MCPH1: variants seen among roughly 807,000 people sequenced by gnomAD.
MCPH1 encodes microcephalin 1.
Under a neutral mutation model 84.5 loss-of-function variants are expected in MCPH1, and 104 were observed. That is an observed-to-expected ratio of 1.23 (90% CI 1.05 to 1.45). The LOEUF (loss-of-function observed/expected upper bound fraction) is 1.45. Ranked by LOEUF, MCPH1 falls within the 40% of genes most tolerant of loss-of-function variation. The pLI is 0.00. For missense variants in MCPH1, 1,498 were observed against 1,005.7 expected, an observed-to-expected ratio of 1.49 and a Z score of -6.62; for synonymous variants, 514 against 366.8, an observed-to-expected ratio of 1.40 and a Z score of -4.58.
At position 6,558,703 on chromosome 8, in the gene MCPH1, C is replaced by T. The variant is rs190192598; in HGVS notation, c.2214+58774C>T. 1.7e-3 allele frequency among the ~76,000 whole-genome samples: 260 copies of T among 152,216 alleles called. 1 individual carries two copies. Among genetic ancestry groups the T allele is most frequent in the African/African-American group, 5.5e-3 (228 of 41,528 alleles). ...TGGAAATCCATTTCCTAGTTCTAAA[C>T]TCTGCAAGCAAACAATCATCTCCCC... On this transcript the variant is annotated intron_variant, in intron 12 of 13. Transcript: ENST00000344683.
At chr8:6,553,735 A>G (rs901403834) in intron 12 of MCPH1, among the ~76,000 whole-genome samples, 7 of 150,980 alleles carry the variant, frequency 4.6e-5, no homozygotes, top group Non-Finnish European at 1.0e-4. Flanking sequence ...GAGGCCCCTC[A>G]GGCAGAGGGG....
intron 9 of MCPH1, among the ~76,000 whole-genome samples, chr8:6,468,644 T>TG (rs1192430280): frequency 7.3e-6 from 1 of 137,532 alleles, no homozygotes; most frequent in East Asian, 2.3e-4. Context: ...TACATTTTTT[T>TG]GGTTTTTTTT....
rs577300488 is a variant in MCPH1, at chr8:6,492,728, C to A, written c.2137-7124C>A. 2.4e-4 allele frequency among the ~76,000 whole-genome samples: 22 copies of A among 91,280 alleles called. No homozygotes were observed. The South Asian group carries it at 8.3e-3, about 34-fold the overall frequency. 59.9% of individuals were successfully genotyped at this position (91,280 alleles called of 152,430 possible). A position where few individuals can be genotyped will look rare whatever the true frequency, so the allele number is the denominator to read the frequency against. ...AAATAAATATTTTATATTAAATTATCAAATAAATATTAATAATAATTATTT... is the reference window on the plus strand; with the variant it reads ...AAATAAATATTTTATATTAAATTATAAAATAAATATTAATAATAATTATTT... On this transcript the variant is annotated intron_variant, in intron 11 of 13. Coordinates refer to ENST00000344683, the MANE Select transcript of MCPH1 (RefSeq NM_024596.5).
chr8:6,543,833 C>T (rs1167317160), intron 12 of MCPH1, among the ~76,000 whole-genome samples: 1 of 152,162 alleles, frequency 6.6e-6, no homozygotes, highest in Non-Finnish European at 1.5e-5. Context: ...TTTAAACCCC[C>T]TGTGTGCATG....
chr8:6,543,977 A>G (rs1192160692), intron 12 of MCPH1, among the ~76,000 whole-genome samples: 3 of 152,214 alleles, frequency 2.0e-5, no homozygotes, highest in Non-Finnish European at 2.9e-5. Context: ...GTTGCAATAT[A>G]TTTTAAGCAT....
At chr8:6,532,521 G>C in intron 12 of MCPH1, 1 of 1,516,394 alleles carries the variant, frequency 6.6e-7, no homozygotes. Flanking sequence ...GCAGTCATTA[G>C]TCAAATGACC....
intron 12 of MCPH1, among the ~76,000 whole-genome samples, chr8:6,571,259 A>G (rs887952922): frequency 6.7e-6 from 1 of 149,548 alleles, no homozygotes; most frequent in African/African-American, 2.5e-5. Flanking sequence ...GTAGAATGAA[A>G]TGCTAAACAT....
At chr8:6,425,042 G>T (rs554388042) in intron 3 of MCPH1, among the ~76,000 whole-genome samples, 1 of 152,222 alleles carries the variant, frequency 6.6e-6, no homozygotes, top group Non-Finnish European at 1.5e-5. Context: ...CATAAAGAAT[G>T]CAGGATTGGC....
chr8:6,527,955 G>T (rs1818684292), intron 12 of MCPH1, among the ~76,000 whole-genome samples: 1 of 151,004 alleles, frequency 6.6e-6, no homozygotes, highest in Non-Finnish European at 1.5e-5. Context: ...GAGTGCAGTG[G>T]CATGATCTCG....
rs758147388 is a variant in MCPH1, at chr8:6,514,731, C to T, written c.2214+14802C>T. 7.4e-6 allele frequency: 12 copies of T among 1,614,078 alleles called. No homozygotes were observed. In the South Asian group the frequency reaches 1.1e-4, roughly 15 times the overall value. On this transcript the variant is annotated intron_variant, in intron 12 of 13. Coordinates refer to ENST00000344683, the MANE Select transcript of MCPH1 (RefSeq NM_024596.5). Reference sequence around the variant, plus strand: ...AATCAACGCTGCCATCCTCACGTCGCTGAATAATTGTCCACCCGCCTCCTC... The same window carrying T: ...AATCAACGCTGCCATCCTCACGTCGTTGAATAATTGTCCACCCGCCTCCTC...
intron 12 of MCPH1, among the ~76,000 whole-genome samples, chr8:6,614,471 C>A (rs749322235): frequency 6.6e-6 from 1 of 152,230 alleles, no homozygotes; most frequent in Non-Finnish European, 1.5e-5. Flanking sequence ...AGCCTGATTT[C>A]TCGCCCCCTC....
chr8:6,433,610 G>A lies in MCPH1; in HGVS notation c.321+2024G>A, dbSNP rs531363498. On this transcript the variant is annotated intron_variant, in intron 4 of 13. Coordinates refer to ENST00000344683, the MANE Select transcript of MCPH1 (RefSeq NM_024596.5). ...ATCATGCCACTGCACTCCAGCCTGG[G>A]CGACAGCAAGGCTCTGTCTCAAAAA... is the stretch of plus-strand genomic sequence containing the variant. Among the ~76,000 whole-genome samples the A allele has an allele frequency of 4.5e-5, 6 of 134,820 alleles. No homozygotes were observed. The East Asian group carries it at 1.3e-3, about 30-fold the overall frequency. The allele number at this position is 134,820 out of a possible 152,430, so 88.4% of individuals were successfully genotyped here.
intron 12 of MCPH1, chr8:6,502,459 CA>C (rs1812376441): frequency 6.6e-6 from 1 of 152,168 alleles, no homozygotes; most frequent in African/African-American, 2.4e-5. Flanking sequence ...CGTATTTGAG[CA>C]TTAACTTATA....
At position 6,445,407 on chromosome 8, in the gene MCPH1, A is replaced by G. The variant is rs759673087; in HGVS notation, c.1685A>G (p.Gln562Arg). The change falls in exon 8 of 14, where the codon CAG becomes CGG. Residue 562 changes from glutamine (Q) to arginine (R), a missense_variant. Physicochemically the swap from Gln to Arg is conservative, Grantham distance 43. Coordinates refer to ENST00000344683, the MANE Select transcript of MCPH1 (RefSeq NM_024596.5). ...MKEAVGLKSTQNKGTTSKISN... is the reference protein window; with the variant it reads ...MKEAVGLKSTRNKGTTSKISN... ...GAAGCGGTTGGTCTGAAAAGCACAC[A>G]GAACAAAGGTACCACTTCCAAAATA... The G allele has an allele frequency of 4.3e-6, 7 of 1,614,276 alleles. No homozygotes were observed. In the South Asian group the frequency reaches 5.5e-5, roughly 13 times the overall value.
chr8:6,437,015 T>C (rs1053924992), intron 5 of MCPH1, among the ~76,000 whole-genome samples: 1 of 152,284 alleles, frequency 6.6e-6, no homozygotes, highest in Admixed American at 6.5e-5. Flanking sequence ...TTGTACGTTT[T>C]TGGTATTTCT....
chr8:6,640,080 G>C (rs977783566), intron 13 of MCPH1, among the ~76,000 whole-genome samples: 3 of 144,594 alleles, frequency 2.1e-5, no homozygotes, highest in Non-Finnish European at 3.0e-5. Flanking sequence ...GTGTGTGTGT[G>C]TGTGTGTGTG....
At chr8:6,625,211 T>C in intron 13 of MCPH1, 1 of 985,452 alleles carries the variant, frequency 1.0e-6, no homozygotes, top group Non-Finnish European at 1.2e-6. Context: ...ATTTACTTCA[T>C]GTATAAAACA....
rs570759946 is a variant in MCPH1 at position 6,575,669 on chromosome 8, T to C, written c.2215-45785T>C. Among the ~76,000 whole-genome samples, 93 of 152,286 alleles carry C rather than the reference T, an allele frequency of 6.1e-4. 1 individual carries two copies. Among genetic ancestry groups the C allele is most frequent in the South Asian group, 3.5e-3 (17 of 4,818 alleles). On this transcript the variant is annotated intron_variant, in intron 12 of 13. Transcript: ENST00000344683. Reference sequence around the variant, plus strand: ...CTCAGCACGTGACCGTCTTCGGAAGTAGGGCCATTGCAGTTGTAATCAGTT... The same window carrying C: ...CTCAGCACGTGACCGTCTTCGGAAGCAGGGCCATTGCAGTTGTAATCAGTT...
chr8:6,609,443 A>G (rs539698840), intron 12 of MCPH1, among the ~76,000 whole-genome samples: 1 of 152,328 alleles, frequency 6.6e-6, no homozygotes, highest in African/African-American at 2.4e-5. Flanking sequence ...TGTTCCCATC[A>G]CTTATGTAGC....
Sources: gnomAD v4.1 joint callset for allele counts (sites outside exome capture counted in the v4.1 genomes callset) on GRCh38, gnomAD v4.1.1 for gene constraint, MANE v1.5 for transcripts, NCBI Gene and HGNC (gene_info 2026-07-23, HGNC 2026-07-21) for gene names.